The following OPLAH variants were observed in gnomAD, a reference collection of about 807,000 sequenced individuals.
The protein encoded by OPLAH is 5-oxoprolinase.
In OPLAH, 103 loss-of-function variants were observed where a neutral mutation model predicts 122.8. That is an observed-to-expected ratio of 0.84 (90% CI 0.71 to 0.99). The LOEUF (loss-of-function observed/expected upper bound fraction) is 0.99. Among genes scored for constraint, OPLAH ranks in the 50% least tolerant of loss-of-function variants. OPLAH has a pLI of 0.00. For missense variants in OPLAH, 1,902 were observed against 1,836.5 expected (o/e 1.04, Z -0.65); for synonymous variants, 875 against 796.0 (o/e 1.10, Z -1.67).
chr8:144,053,472 G>C, intron 19 of OPLAH, 79 bp from the exon 20 acceptor site: 2 of 1,403,824 alleles, frequency 1.4e-6, no homozygotes. Context: ...ATCCAGACAA[G>C]GTCTCTGGCC....
chr8:144,055,861 G>A lies in OPLAH; in HGVS notation c.2175C>T (p.Val725=). 6.3e-7 allele frequency: 1 copy of A among 1,579,552 alleles called. No individual in the cohort carries two copies. Among genetic ancestry groups the A allele is most frequent in the Non-Finnish European group, 8.6e-7 (1 of 1,163,346 alleles). The change falls in exon 16 of 27, where the codon GTC becomes GTT. Residue 725 remains valine, a synonymous_variant. Transcript: ENST00000618853. This position sits in a 1 kb window ranked among gnomAD's most constrained non-coding sequence, Gnocchi z 6.5. ...CCAGCTGGGGGCCCACTGTGCCGGGGACTTCGGCCCCCACGGAGATGCAGA... is the reference window on the plus strand; with the variant it reads ...CCAGCTGGGGGCCCACTGTGCCGGGAACTTCGGCCCCCACGGAGATGCAGA... ...GDICISVGAE[V]PGTVGPQLDP...
chr8:144,050,481 G>A (rs1255300077), downstream of OPLAH: 8 of 985,488 alleles, frequency 8.1e-6, no homozygotes, highest in East Asian at 2.3e-4. Flanking sequence ...AGGAGGGCGA[G>A]GAGGGGCGGA....
rs782572957 is a variant in OPLAH, at chr8:144,058,399, C to T, written c.789G>A (p.Val263=). ...CATCGGAGCGCATGAACAACACCTGCACATCCTGCGAGCGGGCAGCAGGCG... is the reference window on the plus strand; with the variant it reads ...CATCGGAGCGCATGAACAACACCTGTACATCCTGCGAGCGGGCAGCAGGCG... The part of the protein sequence containing the change: ...CRGFQGQLKD[V]QVLFMRSDGG... Residue 263 remains valine (V), a synonymous_variant, in exon 7 of 27, where the codon GTG becomes GTA. Transcript: ENST00000618853. 1 of 1,589,988 alleles carries T rather than the reference C, an allele frequency of 6.3e-7. No homozygotes were observed. The highest frequency in any genetic ancestry group is 1.1e-5 in the South Asian group (1 of 89,742).
At chr8:144,062,637 T>C (rs574774005), upstream of OPLAH, among the ~76,000 whole-genome samples, 3 of 152,030 alleles carry the variant, frequency 2.0e-5, no homozygotes, top group Admixed American at 1.3e-4. Flanking sequence ...CCAGGATCTA[T>C]CAGGAGAGAT....
In OPLAH at chr8:144,058,286, G is replaced by A. The variant is rs187064052; in HGVS notation, c.902C>T (p.Thr301Ile). The A allele has an allele frequency of 2.5e-6, 4 of 1,610,448 alleles. No homozygotes were observed. The highest frequency in any genetic ancestry group is 1.7e-4 in the Middle Eastern group (1 of 5,994). ...AGGVVGYSAT[T>I]YQQEGGQPVI... Reference sequence around the variant, plus strand: ...AGGCTGGCCACCCTCCTGCTGGTAGGTGGTGGCTGAGTAGCCCACCACGCC... The same window carrying A: ...AGGCTGGCCACCCTCCTGCTGGTAGATGGTGGCTGAGTAGCCCACCACGCC... The change falls in exon 7 of 27, where the codon ACC becomes ATC. Residue 301 changes from threonine (T) to isoleucine (I), a missense_variant. Transcript: ENST00000618853.
Position 144,056,194 on chromosome 8 carries a change from G to T in OPLAH, c.2049C>A (p.Gly683=), listed in dbSNP as rs782045860. 6.2e-7 allele frequency: 1 copy of T among 1,612,182 alleles called. No individual in the cohort carries two copies. The highest frequency in any genetic ancestry group is 1.7e-5 in the Admixed American group (1 of 60,022). The part of the protein sequence containing the change: ...ETPVYLLAEL[G]YGHKLHGPCL... ...AGGGCCCATGGAGCTTGTGCCCATA[G>T]CCCAGCTCTGCCAGCAGGTACACAG... Residue 683 remains glycine (G), a synonymous_variant, in exon 15 of 27, where the codon GGC becomes GGA. Coordinates refer to ENST00000618853, the MANE Select transcript of OPLAH (RefSeq NM_017570.5).
chr8:144,058,770 CACGTGT>C lies in OPLAH; in HGVS notation c.584_587+2del. The stretch of plus-strand genomic sequence containing the variant: ...CCGCAGCCCACAGCCCCACCTCACT[CACGTGT>C]ACGAGTGCATGAGCACCACAGCCAG... On this transcript the variant is annotated splice_donor_variant and coding_sequence_variant, in exon 5 of 27. Coordinates refer to ENST00000618853, the MANE Select transcript of OPLAH (RefSeq NM_017570.5). LOFTEE classifies it high-confidence loss of function. 1 of 1,594,988 alleles carries C rather than the reference CACGTGT, an allele frequency of 6.3e-7. No homozygotes were observed. The highest frequency in any genetic ancestry group is 8.6e-7 in the Non-Finnish European group (1 of 1,168,260).
Position 144,054,893 on chromosome 8 carries a change from A to T in OPLAH, c.2430T>A (p.Asp810Glu). 6.2e-7 allele frequency: 1 copy of T among 1,601,936 alleles called. No homozygotes were observed. ...TCAGTAGCACGTCGCCAGGGTGGAG[A>T]TCGGCCCCCAGGTGCTGAATCTGAA... ...VQFQIQHLGA[D>E]LHPGDVLLSN... Residue 810 changes from aspartate to glutamate, a missense_variant, in exon 18 of 27, where the codon GAT becomes GAA. Around this residue, in one of 3 missense-constraint regions of OPLAH, gnomAD observed 1,726 missense variants for 1,642.1 expected, o/e 1.05. Transcript: ENST00000618853.
At chr8:144,061,779 T>C (rs1473283686), upstream of OPLAH, among the ~76,000 whole-genome samples, 3 of 152,108 alleles carry the variant, frequency 2.0e-5, no homozygotes, top group Non-Finnish European at 4.4e-5. Flanking sequence ...TCCCAGCACT[T>C]TGGGAGACCG....
Position 144,057,716 on chromosome 8 carries a change from G to A in OPLAH, c.1157-3C>T. 2 of 1,609,778 alleles carry A rather than the reference G, an allele frequency of 1.2e-6. No homozygotes were observed. The highest frequency in any genetic ancestry group is 1.7e-6 in the Non-Finnish European group (2 of 1,178,164). On this transcript the variant is annotated splice_region_variant and splice_polypyrimidine_tract_variant and intron_variant, in intron 9 of 26. Coordinates refer to ENST00000618853, the MANE Select transcript of OPLAH (RefSeq NM_017570.5). ...ATCCGTCACTGTCACAGGGCCCCCT[G>A]GGAGGTGGACAGGGTGTGGGGCTTG...
intron 25 of OPLAH, 34 bp from the exon 26 acceptor site, chr8:144,051,860 G>C: frequency 2.0e-6 from 3 of 1,508,832 alleles, no homozygotes; most frequent in Non-Finnish European, 2.7e-6. Context: ...AGAGAGACCA[G>C]GGGCGGGGGT....
At position 144,053,067 on chromosome 8, in the gene OPLAH, C is replaced by T. The variant is rs782475410; in HGVS notation, c.2934G>A (p.Arg978=). 1 of 1,601,372 alleles carries T rather than the reference C, an allele frequency of 6.2e-7. No individual in the cohort carries two copies. The highest frequency in any genetic ancestry group is 8.5e-7 in the Non-Finnish European group (1 of 1,174,966). ...CCGAGGACACCTCCAGGGGCAGGCC[C>T]CGGGCCTGCCGGGAGGTTCCAAAGG... ...LRAFGTSRQA[R]GLPLEVSSED... The change falls in exon 21 of 27, where the codon CGG becomes CGA. Residue 978 remains arginine, a synonymous_variant. Transcript: ENST00000618853.
At chr8:144,050,994 A>T, downstream of OPLAH, 2 of 1,095,954 alleles carry the variant, frequency 1.8e-6, no homozygotes, top group Non-Finnish European at 2.2e-6. Context: ...CCTTCCCGGC[A>T]GAAGCCGCCG....
chr8:144,051,909 C>CGCGCACCGTGGA lies in OPLAH; in HGVS notation c.3617_3622+6dup. On this transcript the variant is annotated splice_region_variant and intron_variant, in intron 25 of 26. Coordinates refer to ENST00000618853, the MANE Select transcript of OPLAH (RefSeq NM_017570.5). The stretch of plus-strand genomic sequence containing the variant: ...GGGAGGGCCGCGAGGGCTGGGGAAC[C>CGCGCACCGTGGA]GCGCACCGTGGAGCCCGTATGGCCG... The CGCGCACCGTGGA allele has an allele frequency of 6.5e-7, 1 of 1,531,154 alleles. No homozygotes were observed. Among genetic ancestry groups the CGCGCACCGTGGA allele is most frequent in the Non-Finnish European group, 8.7e-7 (1 of 1,145,066 alleles). The allele number at this position is 1,531,154 out of a possible 1,614,324, so 94.8% of individuals were successfully genotyped here. A position where few individuals can be genotyped will look rare whatever the true frequency, so the allele number is the denominator to read the frequency against.
In OPLAH at chr8:144,053,221, C is replaced by T. The variant is rs1554758183; in HGVS notation, c.2859G>A (p.Met953Ile). 35 of 1,612,586 alleles carry T rather than the reference C, an allele frequency of 2.2e-5. No homozygotes were observed. Among genetic ancestry groups the T allele is most frequent in the Non-Finnish European group, 3.0e-5 (35 of 1,179,736 alleles). The stretch of plus-strand genomic sequence containing the variant: ...TGCCCAGGCCCACCTGAATATGGCC[C>T]ATGTAGGCCTGCACCACGTCCAGGC... ...QYGLDVVQAYMGHIQANAELA... is the reference protein window; with the variant it reads ...QYGLDVVQAYIGHIQANAELA... The change falls in exon 20 of 27, where the codon ATG (methionine) becomes ATA (isoleucine). Residue 953 changes from methionine (M) to isoleucine (I), a missense_variant. Physicochemically the swap from Met to Ile is conservative, Grantham distance 10 (BLOSUM62 1). Transcript: ENST00000618853.
In OPLAH at chr8:144,055,144, A is replaced by C; in HGVS notation, c.2294T>G (p.Ile765Ser). Residue 765 changes from isoleucine to serine, a missense_variant, in exon 17 of 27, where the codon ATC becomes AGC. Transcript: ENST00000618853. This position sits in a 1 kb window ranked among gnomAD's most constrained non-coding sequence, Gnocchi z 6.5. ...ILQRTAISTN[I>S]KERLDFSCAL... ...ACAGGAGAAGTCCAGACGCTCCTTGATGTTGGTGGAGATGGCTGTGCGCTG... is the reference window on the plus strand; with the variant it reads ...ACAGGAGAAGTCCAGACGCTCCTTGCTGTTGGTGGAGATGGCTGTGCGCTG... The C allele has an allele frequency of 6.3e-7, 1 of 1,580,714 alleles. No individual in the cohort carries two copies. Among genetic ancestry groups the C allele is most frequent in the Non-Finnish European group, 8.6e-7 (1 of 1,164,164 alleles).
In OPLAH at chr8:144,052,261, G is replaced by T; in HGVS notation, c.3369C>A (p.Gly1123=). 6.5e-7 allele frequency: 1 copy of T among 1,539,254 alleles called. No individual in the cohort carries two copies. Among genetic ancestry groups the T allele is most frequent in the South Asian group, 1.2e-5 (1 of 84,404 alleles). ...HMGYYETVAG[G]AGAGPSWHGR... ...CGTGCCAGCTGGGACCCGCGCCCGC[G>T]CCGCCCGCCACCGTCTCGTAGTAGC... The change falls in exon 24 of 27, where the codon GGC becomes GGA. Residue 1123 remains glycine (G), a synonymous_variant. Transcript: ENST00000618853.
Position 144,056,476 on chromosome 8 carries a change from A to T in OPLAH, c.1892T>A (p.Val631Glu). Residue 631 changes from valine (V) to glutamate (E), a missense_variant, in exon 14 of 27, where the codon GTG becomes GAG. Physicochemically the swap from Val to Glu is moderately radical, Grantham distance 121 (BLOSUM62 -2). Around this residue, in one of 3 missense-constraint regions of OPLAH, gnomAD observed 1,726 missense variants for 1,642.1 expected, o/e 1.05. Transcript: ENST00000618853. Reference sequence around the variant, plus strand: ...GGTGCCCCGCACTCGCACATCGTCCACGACCACCGGCCGCTCAGGTATGAC... The same window carrying T: ...GGTGCCCCGCACTCGCACATCGTCCTCGACCACCGGCCGCTCAGGTATGAC... ...GFVIPERPVV[V>E]DDVRVRGTGR... The T allele has an allele frequency of 6.2e-7, 1 of 1,611,560 alleles. No individual in the cohort carries two copies. The highest frequency in any genetic ancestry group is 1.3e-5 in the African/African-American group (1 of 74,914).
chr8:144,050,802 G>A, downstream of OPLAH: 1 of 988,076 alleles, frequency 1.0e-6, no homozygotes, highest in Non-Finnish European at 1.2e-6. Flanking sequence ...CAGGGACCGC[G>A]CTGAGCACCT....
Sources: gnomAD v4.1 joint callset for allele counts (sites outside exome capture counted in the v4.1 genomes callset) on GRCh38, gnomAD v4.1.1 for gene constraint, gnomAD v4.1.1 regional missense constraint, Gnocchi (gnomAD v3.1) non-coding constraint, MANE v1.5 for transcripts, NCBI Gene and HGNC (gene_info 2026-07-23, HGNC 2026-07-21) for gene names.